The following SEMA6D variants were observed in gnomAD, a reference collection of about 807,000 sequenced individuals.
SEMA6D encodes semaphorin 6D.
In SEMA6D, 35 loss-of-function variants were observed where a neutral mutation model predicts 106.6. The observed-to-expected ratio is 0.33, with a 90% CI of 0.25 to 0.44. The LOEUF (loss-of-function observed/expected upper bound fraction) is 0.44, where lower values mean the gene tolerates loss of function less well. Ranked by LOEUF, SEMA6D falls within the 20% of genes least tolerant of loss-of-function variation. The pLI is 1.00. For missense variants in SEMA6D, 1,185 were observed against 1,345.9 expected, an observed-to-expected ratio of 0.88 and a Z score of 1.87; for synonymous variants, 499 against 487.7, an observed-to-expected ratio of 1.02 and a Z score of -0.31.
At chr15:47,325,520 A>G (rs186678794) in intron 1 of SEMA6D, among the ~76,000 whole-genome samples, 6 of 152,316 alleles carry the variant, frequency 3.9e-5, no homozygotes, top group African/African-American at 1.4e-4. Context: ...TTCCTTTCAC[A>G]TATTGTAATG....
intron 1 of SEMA6D, among the ~76,000 whole-genome samples, chr15:47,733,448 C>CA (rs1422095760): frequency 6.6e-6 from 1 of 152,286 alleles, no homozygotes; most frequent in South Asian, 2.1e-4. Flanking sequence ...TTTCTACTGT[C>CA]AGTGTTTTCT....
chr15:47,560,900 A>C (rs997450930), intron 3 of SEMA6D, among the ~76,000 whole-genome samples: 2 of 152,084 alleles, frequency 1.3e-5, no homozygotes, highest in Non-Finnish European at 2.9e-5. Flanking sequence ...GGGAAGGGGC[A>C]TGGAGCAGAT....
At chr15:47,703,405 A>G (rs767047147) in intron 4 of SEMA6D, among the ~76,000 whole-genome samples, 2 of 152,250 alleles carry the variant, frequency 1.3e-5, no homozygotes, top group Non-Finnish European at 2.9e-5. Flanking sequence ...GCACATTTGC[A>G]TAGTTAAATT....
At chr15:47,568,716 A>T (rs2046299044) in intron 3 of SEMA6D, among the ~76,000 whole-genome samples, 1 of 152,278 alleles carries the variant, frequency 6.6e-6, no homozygotes, top group African/African-American at 2.4e-5. Flanking sequence ...ATTAAAAATC[A>T]ACAAAAATAG....
intron 3 of SEMA6D, among the ~76,000 whole-genome samples, chr15:47,495,359 C>T (rs776631395): frequency 1.3e-5 from 2 of 151,960 alleles, no homozygotes; most frequent in Non-Finnish European, 2.9e-5. Flanking sequence ...AATCTAGACT[C>T]ATGGAGCTGA....
intron 3 of SEMA6D, among the ~76,000 whole-genome samples, chr15:47,545,154 T>A (rs1045873161): frequency 6.6e-6 from 1 of 152,136 alleles, no homozygotes; most frequent in Non-Finnish European, 1.5e-5. Flanking sequence ...TGAGTTTTTA[T>A]TTTCAAGATA....
At chr15:47,567,337 TAGTG>T (rs1212603106) in intron 3 of SEMA6D, among the ~76,000 whole-genome samples, 4 of 152,174 alleles carry the variant, frequency 2.6e-5, no homozygotes. Flanking sequence ...AAAAATTTAA[TAGTG>T]AGGAAAAATA....
chr15:47,695,292 G>C (rs116220013), intron 4 of SEMA6D, among the ~76,000 whole-genome samples: 2 of 152,160 alleles, frequency 1.3e-5, no homozygotes, highest in Non-Finnish European at 2.9e-5. Context: ...TAGAATAGCC[G>C]TGCAAATTAA....
intron 2 of SEMA6D, among the ~76,000 whole-genome samples, chr15:47,468,602 C>G (rs2042732620): frequency 6.6e-6 from 1 of 152,158 alleles, no homozygotes; most frequent in Admixed American, 6.5e-5. Context: ...GAGCAGCTGA[C>G]CCAATACCTT....
intron 1 of SEMA6D, among the ~76,000 whole-genome samples, chr15:47,361,869 G>C (rs1166092336): frequency 6.6e-6 from 1 of 151,888 alleles, no homozygotes. Context: ...TACCATTTCT[G>C]ATTTCTCTGT....
intron 3 of SEMA6D, among the ~76,000 whole-genome samples, chr15:47,531,543 A>G (rs2044966809): frequency 6.6e-6 from 1 of 152,254 alleles, no homozygotes; most frequent in African/African-American, 2.4e-5. Flanking sequence ...CACTGTATAT[A>G]TGTGGATATG....
At chr15:47,691,560 G>C (rs193139006) in intron 4 of SEMA6D, among the ~76,000 whole-genome samples, 199 of 152,240 alleles carry the variant, frequency 1.3e-3, no homozygotes, top group African/African-American at 4.7e-3. Context: ...AGTGATAATA[G>C]TTTCTATCTT....
At chr15:47,735,947 C>G (rs1291713720) in intron 1 of SEMA6D, among the ~76,000 whole-genome samples, 1 of 152,134 alleles carries the variant, frequency 6.6e-6, no homozygotes, top group East Asian at 1.9e-4. Context: ...TTAAACAACT[C>G]AAGTGATTTA....
chr15:47,335,198 A>G (rs2037503212), intron 1 of SEMA6D, among the ~76,000 whole-genome samples: 2 of 152,174 alleles, frequency 1.3e-5, no homozygotes, highest in Non-Finnish European at 2.9e-5. Flanking sequence ...GTGGATGGGT[A>G]TCATAAACTC....
At chr15:47,402,818 A>T (rs2040440667) in intron 1 of SEMA6D, among the ~76,000 whole-genome samples, 1 of 151,690 alleles carries the variant, frequency 6.6e-6, no homozygotes. Flanking sequence ...GACATAAGGA[A>T]AAGCGTCAAT....
chr15:47,365,890 GGAGAGAGAGAGA>G (rs201368884), intron 1 of SEMA6D, among the ~76,000 whole-genome samples: 42 of 119,686 alleles, frequency 3.5e-4, no homozygotes, highest in Middle Eastern at 4.0e-3. Flanking sequence ...GAGAGAGAGA[GGAGAGAGAGAGA>G]GAGAGAGAGA....
chr15:47,301,547 T>C (rs1191730956), intron 1 of SEMA6D, among the ~76,000 whole-genome samples: 2 of 152,216 alleles, frequency 1.3e-5, no homozygotes, highest in African/African-American at 4.8e-5. Flanking sequence ...CCTAGGCAGA[T>C]GTCCAGCTGC....
intron 1 of SEMA6D, among the ~76,000 whole-genome samples, chr15:47,756,194 A>T (rs2081721467): frequency 6.6e-6 from 1 of 152,206 alleles, no homozygotes; most frequent in African/African-American, 2.4e-5. Context: ...CTTGCGTGTG[A>T]GGAAGATGGT....
chr15:47,366,006 T>C (rs1162784693), intron 1 of SEMA6D, among the ~76,000 whole-genome samples: 1 of 152,062 alleles, frequency 6.6e-6, no homozygotes, highest in Non-Finnish European at 1.5e-5. Context: ...CCAGAGCATA[T>C]TACATTTAGG....
Sources: allele counts gnomAD v4.1 joint callset (sites outside exome capture counted in the v4.1 genomes callset), GRCh38; gene constraint gnomAD v4.1.1; transcripts MANE v1.5; gene names NCBI Gene and HGNC (gene_info 2026-07-23, HGNC 2026-07-21).